The following DTWD2 variants were observed in gnomAD, a reference collection of about 807,000 sequenced individuals.
DTWD2 encodes DTW motif tRNA-uridine aminocarboxypropyltransferase 2.
In DTWD2, 39 loss-of-function variants were observed where a neutral mutation model predicts 31.8. That is an observed-to-expected ratio of 1.22 (90% CI 0.95 to 1.60). The LOEUF is 1.60. Among genes scored for constraint, DTWD2 ranks in the 40% most tolerant of loss-of-function variants. DTWD2 has a pLI of 0.00. For synonymous variants in DTWD2, 180 were observed against 142.8 expected (o/e 1.26, Z -1.86); for missense variants, 515 against 381.5 (o/e 1.35, Z -2.92).
At chr5:118,844,688 T>C (rs550944241) in intron 5 of DTWD2, among the ~76,000 whole-genome samples, 8 of 152,324 alleles carry the variant, frequency 5.3e-5, no homozygotes, top group Admixed American at 3.3e-4. Flanking sequence ...AAAATCCACA[T>C]TGTGCTACTT....
At chr5:118,860,716 G>A (rs1752240939) in intron 4 of DTWD2, among the ~76,000 whole-genome samples, 4 of 152,092 alleles carry the variant, frequency 2.6e-5, no homozygotes, top group Admixed American at 2.6e-4. Context: ...GGTCAGAAAT[G>A]GTATCTCAGT....
At chr5:118,881,010 C>T (rs935372477) in intron 4 of DTWD2, among the ~76,000 whole-genome samples, 9 of 152,146 alleles carry the variant, frequency 5.9e-5, no homozygotes, top group African/African-American at 2.2e-4. Flanking sequence ...TAACTTCATC[C>T]AACAGAATTA....
intron 4 of DTWD2, among the ~76,000 whole-genome samples, chr5:118,906,805 C>A (rs1315898358): frequency 6.6e-6 from 1 of 152,104 alleles, no homozygotes; most frequent in Non-Finnish European, 1.5e-5. Context: ...TATGTCAAAA[C>A]TTAGCAAACT....
At chr5:118,915,884 T>C (rs1161582802) in intron 4 of DTWD2, among the ~76,000 whole-genome samples, 4 of 152,166 alleles carry the variant, frequency 2.6e-5, no homozygotes. Context: ...TGGAGGATAA[T>C]TCTAAAAGTA....
chr5:118,972,765 G>A (rs1755016312), intron 1 of DTWD2, among the ~76,000 whole-genome samples: 1 of 152,120 alleles, frequency 6.6e-6, no homozygotes, highest in African/African-American at 2.4e-5. Context: ...ACATCAAAAA[G>A]CTTATCTGTC....
chr5:118,912,007 T>G (rs1245514737), intron 4 of DTWD2, among the ~76,000 whole-genome samples: 1 of 152,216 alleles, frequency 6.6e-6, no homozygotes, highest in Non-Finnish European at 1.5e-5. Flanking sequence ...GAGGCATATT[T>G]TTCTTCACAC....
At chr5:118,941,660 G>C (rs1395959380) in intron 2 of DTWD2, among the ~76,000 whole-genome samples, 1 of 152,180 alleles carries the variant, frequency 6.6e-6, no homozygotes, top group Non-Finnish European at 1.5e-5. Context: ...TGTCTTTATA[G>C]CAGCATGATT....
chr5:118,844,709 ATGCTTTCAGG>A lies in DTWD2; in HGVS notation c.726+3371_726+3380del, dbSNP rs1450843169. ...CACATTGTGCTACTTTCATGTAGCC[ATGCTTTCAGG>A]TGCTTGAAAAACTGCTCTAGAATAA... On this transcript the variant is annotated intron_variant, in intron 5 of 5. Coordinates refer to ENST00000510708, the MANE Select transcript of DTWD2 (RefSeq NM_173666.4). Among the ~76,000 whole-genome samples, 3 of 152,248 alleles carry A rather than the reference ATGCTTTCAGG, an allele frequency of 2.0e-5. No homozygotes were observed. The East Asian group carries it at 5.8e-4, about 29-fold the overall frequency.
At chr5:118,965,219 G>C (rs539111771) in intron 1 of DTWD2, among the ~76,000 whole-genome samples, 2 of 151,480 alleles carry the variant, frequency 1.3e-5, no homozygotes, top group African/African-American at 4.9e-5. Flanking sequence ...GCCCCATCTG[G>C]GAAGTGAGGA....
rs528707034 is a variant in DTWD2, at chr5:118,948,213, C to T, written c.219-3564G>A. Among the ~76,000 whole-genome samples, 19 of 152,144 alleles carry T rather than the reference C, an allele frequency of 1.2e-4. No individual in the cohort carries two copies. The South Asian group carries it at 3.9e-3, about 32-fold the overall frequency. On this transcript the variant is annotated intron_variant, in intron 1 of 5. Transcript: ENST00000510708. ...ACTGTGGGCCAGGCACGGTGGCTCA[C>T]GCCTGTAATCCCAGCACTTTGGGAG... is the stretch of plus-strand genomic sequence containing the variant.
intron 4 of DTWD2, among the ~76,000 whole-genome samples, chr5:118,878,304 G>A (rs1017670830): frequency 3.9e-5 from 6 of 152,224 alleles, no homozygotes; most frequent in Middle Eastern, 3.4e-3. Flanking sequence ...GTATTGGTAT[G>A]AAAACAGACA....
intron 4 of DTWD2, among the ~76,000 whole-genome samples, chr5:118,905,822 G>C (rs1015079466): frequency 6.6e-6 from 1 of 152,054 alleles, no homozygotes; most frequent in African/African-American, 2.4e-5. Context: ...TAATCTGGTA[G>C]ATTCCTTATT....
intron 4 of DTWD2, 129 bp from the exon 5 acceptor site, chr5:118,848,347 C>A (rs1231428919): frequency 1.6e-5 from 12 of 743,918 alleles, no homozygotes; most frequent in Non-Finnish European, 2.3e-5. Context: ...GTGTCAATAT[C>A]TTTTATGTAT....
At chr5:118,957,363 A>G (rs750330937) in intron 1 of DTWD2, among the ~76,000 whole-genome samples, 1 of 151,976 alleles carries the variant, frequency 6.6e-6, no homozygotes, top group Non-Finnish European at 1.5e-5. Flanking sequence ...CTGGGATTAC[A>G]GGGGCGCGCC....
chr5:118,852,652 C>T (rs1257763255), intron 4 of DTWD2, among the ~76,000 whole-genome samples: 4 of 152,096 alleles, frequency 2.6e-5, no homozygotes, highest in African/African-American at 4.8e-5. Context: ...CTGTCGAAAG[C>T]GGTGTGGTGA....
intron 4 of DTWD2, among the ~76,000 whole-genome samples, chr5:118,850,763 T>C (rs1231069507): frequency 6.6e-6 from 1 of 152,060 alleles, no homozygotes; most frequent in Non-Finnish European, 1.5e-5. Flanking sequence ...TTGCAAACTA[T>C]GCATCCAACA....
At chr5:118,987,897 G>C (rs1162513605) in intron 1 of DTWD2, among the ~76,000 whole-genome samples, 1 of 152,174 alleles carries the variant, frequency 6.6e-6, no homozygotes, top group Non-Finnish European at 1.5e-5. Flanking sequence ...AGGTAAAGGA[G>C]ACTGTCTCTC....
intron 4 of DTWD2, among the ~76,000 whole-genome samples, chr5:118,915,002 G>A (rs1753541744): frequency 6.6e-6 from 1 of 152,148 alleles, no homozygotes; most frequent in African/African-American, 2.4e-5. Context: ...TAAGGTGGGT[G>A]GATCACATGA....
At chr5:118,883,554 T>C (rs1752790531) in intron 4 of DTWD2, among the ~76,000 whole-genome samples, 4 of 152,278 alleles carry the variant, frequency 2.6e-5, no homozygotes, top group Admixed American at 2.6e-4. Context: ...TGTAATTGAC[T>C]CACAGTTCCC....
Sources: allele counts gnomAD v4.1 joint callset (sites outside exome capture counted in the v4.1 genomes callset), GRCh38; gene constraint gnomAD v4.1.1; transcripts MANE v1.5; gene names NCBI Gene and HGNC (gene_info 2026-07-23, HGNC 2026-07-21).